ESPN: variants seen among roughly 807,000 people sequenced by gnomAD.
The protein encoded by ESPN is espin.
Under a neutral mutation model 77.7 loss-of-function variants are expected in ESPN, and 68 were observed. The ratio of observed to expected loss-of-function variants is 0.87; its 90% confidence interval spans 0.72 to 1.07. The LOEUF is 1.07. Among genes scored for constraint, ESPN ranks in the 50% least tolerant of loss-of-function variants. ESPN has a pLI of 0.00. For missense variants in ESPN, 1,060 were observed against 1,239.0 expected (o/e 0.86, Z 2.17); for synonymous variants, 449 against 567.1 (o/e 0.79, Z 2.96).
intron 12 of ESPN, 70 bp downstream of exon 12, chr1:6,457,442 C>T: frequency 6.2e-7 from 1 of 1,601,372 alleles, no homozygotes; most frequent in Non-Finnish European, 8.6e-7. Flanking sequence ...GTCCCTTCAT[C>T]CAGGCCAATT....
Position 6,436,271 on chromosome 1 carries a change from T to G in ESPN, c.489-3983T>G, listed in dbSNP as rs1336562344. On this transcript the variant is annotated intron_variant, in intron 2 of 12. Coordinates refer to ENST00000645284, the MANE Select transcript of ESPN (RefSeq NM_031475.3). ...CTCTTTCTCACAGAGTGATCTTAGC[T>G]CTCTGTGCCTCAGTTTCCTCATCTG... 2.0e-5 allele frequency among the ~76,000 whole-genome samples: 3 copies of G among 151,958 alleles called. No individual in the cohort carries two copies. In the East Asian group the frequency reaches 5.8e-4, roughly 29 times the overall value.
chr1:6,435,700 T>C (rs949778489), intron 2 of ESPN, among the ~76,000 whole-genome samples: 18 of 152,130 alleles, frequency 1.2e-4, no homozygotes, highest in Non-Finnish European at 1.9e-4. Context: ...CTAGGTAGTG[T>C]TCCCCACAAC....
chr1:6,439,454 A>G (rs1202292906), intron 2 of ESPN, among the ~76,000 whole-genome samples: 2 of 152,208 alleles, frequency 1.3e-5, no homozygotes, highest in Admixed American at 1.3e-4. Flanking sequence ...AAAATCAGTT[A>G]TGGTCAACCA....
At position 6,427,632 on chromosome 1, in the gene ESPN, G is replaced by C. The variant is rs911534006; in HGVS notation, c.295-594G>C. Among the ~76,000 whole-genome samples the C allele has an allele frequency of 9.8e-5, 15 of 152,344 alleles. No homozygotes were observed. Among genetic ancestry groups the C allele is most frequent in the African/African-American group, 3.6e-4 (15 of 41,576 alleles). On this transcript the variant is annotated intron_variant, in intron 1 of 12. Coordinates refer to ENST00000645284, the MANE Select transcript of ESPN (RefSeq NM_031475.3). The surrounding 1 kb of genome is among the most constrained non-coding windows in gnomAD (Gnocchi z 4.6). Reference sequence around the variant, plus strand: ...GCTGCTCCTGTGGCTGGGCACTGGCGAGTCTGCTGGGGGAGGGGCCGGTTT... The same window carrying C: ...GCTGCTCCTGTGGCTGGGCACTGGCCAGTCTGCTGGGGGAGGGGCCGGTTT...
At position 6,424,787 on chromosome 1, in the gene ESPN, G is replaced by A; in HGVS notation, c.-169G>A. ...CGGGCTCCGGCCCCAGAGCGCGGCG[G>A]AGCGGAGCGCCAGGCAGCGCGGAGC... On this transcript the variant is annotated 5_prime_UTR_variant, in exon 1 of 13. Coordinates refer to ENST00000645284, the MANE Select transcript of ESPN (RefSeq NM_031475.3). 1.5e-6 allele frequency: 1 copy of A among 685,952 alleles called. No homozygotes were observed. Among genetic ancestry groups the A allele is most frequent in the Non-Finnish European group, 2.0e-6 (1 of 500,024 alleles). 42.5% of individuals were successfully genotyped at this position (685,952 alleles called of 1,614,324 possible).
intron 10 of ESPN, chr1:6,456,698 C>T (rs1287971363): frequency 2.1e-5 from 5 of 241,362 alleles, no homozygotes; most frequent in South Asian, 6.9e-5. Context: ...CCACACCTGC[C>T]CCTGATGTCA....
chr1:6,455,623 A>G (rs1569748615), intron 10 of ESPN: 1 of 399,126 alleles, frequency 2.5e-6, no homozygotes, highest in Non-Finnish European at 4.4e-6. Flanking sequence ...CCCCCGCACT[A>G]CGACAGCCTC....
chr1:6,457,637 GC>G (rs1243762144), intron 12 of ESPN, among the ~76,000 whole-genome samples: 1 of 151,992 alleles, frequency 6.6e-6, no homozygotes, highest in African/African-American at 2.4e-5. Flanking sequence ...TGATTGTCTG[GC>G]CCTCAGAATG....
intron 10 of ESPN, chr1:6,456,154 TCTC>T (rs1424571645): frequency 1.5e-5 from 6 of 399,362 alleles, no homozygotes; most frequent in African/African-American, 1.0e-4. Context: ...GACCGCAGCT[TCTC>T]CTTCTGGAAA....
chr1:6,457,871 C>T (rs1013552059), intron 12 of ESPN, among the ~76,000 whole-genome samples: 1 of 152,072 alleles, frequency 6.6e-6, no homozygotes, highest in Non-Finnish European at 1.5e-5. Flanking sequence ...TTATACTCCT[C>T]TTGTAAAAGT....
chr1:6,436,202 G>A lies in ESPN; in HGVS notation c.489-4052G>A, dbSNP rs56843223. 7.4e-3 allele frequency among the ~76,000 whole-genome samples: 1,127 copies of A among 152,210 alleles called. 19 individuals carry two copies. Among genetic ancestry groups the A allele is most frequent in the African/African-American group, 0.026 (1,074 of 41,536 alleles). ...TGTAGACGTGGCACATTTGGAGTCAGAAGCAGGCTCTGCATGAGACGCAGC... is the reference window on the plus strand; with the variant it reads ...TGTAGACGTGGCACATTTGGAGTCAAAAGCAGGCTCTGCATGAGACGCAGC... On this transcript the variant is annotated intron_variant, in intron 2 of 12. Coordinates refer to ENST00000645284, the MANE Select transcript of ESPN (RefSeq NM_031475.3).
At position 6,447,265 on chromosome 1, in the gene ESPN, C is replaced by T. The variant is rs1643868195; in HGVS notation, c.1464+1330C>T. ...TCTCGGCCGTGTGCGTGCTGGGCCG[C>T]AGGCGCCAGGGCCGGGGCCCGGACG... On this transcript the variant is annotated intron_variant, in intron 7 of 12. Coordinates refer to ENST00000645284, the MANE Select transcript of ESPN (RefSeq NM_031475.3). The surrounding 1 kb of genome is among the most constrained non-coding windows in gnomAD (Gnocchi z 5.2). The T allele has an allele frequency of 6.6e-6, 1 of 152,296 alleles. No individual in the cohort carries two copies. The highest frequency in any genetic ancestry group is 1.5e-5 in the Non-Finnish European group (1 of 68,110). The allele number at this position is 152,296 out of a possible 1,614,324, so 9.4% of individuals were successfully genotyped here. A position where few individuals can be genotyped will look rare whatever the true frequency, so the allele number is the denominator to read the frequency against.
rs1351119763 is a variant in ESPN, at chr1:6,444,569, C to CG, written c.1081dup (p.Val361GlyfsTer9). The CG allele has an allele frequency of 6.2e-7, 1 of 1,614,110 alleles. No individual in the cohort carries two copies. The highest frequency in any genetic ancestry group is 8.5e-7 in the Non-Finnish European group (1 of 1,180,030). On this transcript the variant is annotated frameshift_variant, in exon 6 of 13. Transcript: ENST00000645284. LOFTEE classifies it high-confidence loss of function. ...TCAGGCATGTCCTCACCCAATACCA[C>CG]GGTGTCGGTCCAGCCGCTGAACTTT...
At chr1:6,434,831 T>C (rs1643377411) in intron 2 of ESPN, among the ~76,000 whole-genome samples, 1 of 151,990 alleles carries the variant, frequency 6.6e-6, no homozygotes, top group African/African-American at 2.4e-5. Flanking sequence ...GTTCTTGAAA[T>C]TGAGGGGTCA....
chr1:6,444,818 G>T (rs1221725390), intron 6 of ESPN, 136 bp downstream of exon 6: 2 of 999,698 alleles, frequency 2.0e-6, no homozygotes, highest in East Asian at 5.1e-5. Flanking sequence ...TAAACATGGG[G>T]AGGCGACACC....
intron 2 of ESPN, among the ~76,000 whole-genome samples, chr1:6,430,278 A>G (rs1643193718): frequency 6.6e-6 from 1 of 152,174 alleles, no homozygotes; most frequent in Admixed American, 6.5e-5. Flanking sequence ...GTGGGTGAGC[A>G]CTGAGGGAGG....
chr1:6,440,606 T>TGGC lies in ESPN; in HGVS notation c.676-20_676-19insGGC. 2 of 870,492 alleles carry TGGC rather than the reference T, an allele frequency of 2.3e-6. No homozygotes were observed. The highest frequency in any genetic ancestry group is 1.7e-6 in the Non-Finnish European group (1 of 588,354). The allele number at this position is 870,492 out of a possible 1,614,324, so 53.9% of individuals were successfully genotyped here. The stretch of plus-strand genomic sequence containing the variant: ...CTGGCGCCCAGCCCCCGCCCCCCTC[T>TGGC]CCCCGCCCGTCCCGCCCAGGTGAGC... On this transcript the variant is annotated intron_variant, in intron 3 of 12. Transcript: ENST00000645284.
chr1:6,458,775 A>G (rs1644098237), intron 12 of ESPN, among the ~76,000 whole-genome samples: 1 of 149,706 alleles, frequency 6.7e-6, no homozygotes, highest in Admixed American at 6.6e-5. Flanking sequence ...TACTAAAAAT[A>G]TAAAAATTAG....
At chr1:6,431,545 C>G (rs1643247189) in intron 2 of ESPN, among the ~76,000 whole-genome samples, 1 of 145,396 alleles carries the variant, frequency 6.9e-6, no homozygotes, top group Non-Finnish European at 1.5e-5. Context: ...GCAGGAGAAT[C>G]ACTTGAACCA....
Sources: gnomAD v4.1 joint callset for allele counts (sites outside exome capture counted in the v4.1 genomes callset) on GRCh38, gnomAD v4.1.1 for gene constraint, Gnocchi (gnomAD v3.1) non-coding constraint, MANE v1.5 for transcripts, NCBI Gene and HGNC (gene_info 2026-07-23, HGNC 2026-07-21) for gene names.